The following PLCG2 variants were observed in gnomAD, a reference collection of about 807,000 sequenced individuals.
PLCG2 encodes 1-phosphatidylinositol 4,5-bisphosphate phosphodiesterase gamma-2.
In PLCG2, 69 loss-of-function variants were observed where a neutral mutation model predicts 175.6. The observed-to-expected ratio is 0.39, with a 90% CI of 0.32 to 0.48. The LOEUF is 0.48. Among genes scored for constraint, PLCG2 ranks in the 20% least tolerant of loss-of-function variants. The pLI, the probability that PLCG2 is intolerant of heterozygous loss-of-function variation, is 0.91. For synonymous variants in PLCG2, 827 were observed against 624.0 expected, an observed-to-expected ratio of 1.33 and a Z score of -4.85; for missense variants, 1,798 against 1,650.9, an observed-to-expected ratio of 1.09 and a Z score of -1.54.
At chr16:81,878,436 C>A (rs145869612) in intron 7 of PLCG2, among the ~76,000 whole-genome samples, 83 of 152,254 alleles carry the variant, frequency 5.5e-4, no homozygotes, top group African/African-American at 1.9e-3. Context: ...GACATATATT[C>A]CCGGGGACAC....
intron 2 of PLCG2, among the ~76,000 whole-genome samples, chr16:81,844,581 C>A (rs1306257315): frequency 6.6e-6 from 1 of 152,190 alleles, no homozygotes; most frequent in Non-Finnish European, 1.5e-5. Flanking sequence ...CTAGGCCTCC[C>A]AAATCGCTGG....
At chr16:81,850,487 C>G (rs1906350355) in intron 2 of PLCG2, among the ~76,000 whole-genome samples, 1 of 152,164 alleles carries the variant, frequency 6.6e-6, no homozygotes, top group African/African-American at 2.4e-5. Flanking sequence ...ACATGTCCAT[C>G]TTTTACTGAC....
At chr16:81,820,124 A>AGAACTTTTTAAAAT (rs1388909164) in intron 2 of PLCG2, among the ~76,000 whole-genome samples, 1 of 152,244 alleles carries the variant, frequency 6.6e-6, no homozygotes, top group Non-Finnish European at 1.5e-5. Flanking sequence ...TCATATTTTA[A>AGAACTTTTTAAAAT]GAACTTTTTA....
chr16:81,885,897 A>G (rs1464310287), intron 9 of PLCG2, among the ~76,000 whole-genome samples: 1 of 152,214 alleles, frequency 6.6e-6, no homozygotes, highest in African/African-American at 2.4e-5. Flanking sequence ...AATGATGATG[A>G]TCAAAAGAAG....
chr16:81,805,222 A>G (rs776138941), intron 2 of PLCG2, among the ~76,000 whole-genome samples: 1 of 152,320 alleles, frequency 6.6e-6, no homozygotes, highest in Non-Finnish European at 1.5e-5. Context: ...ATAAAAGGCC[A>G]GGCTCGGTAG....
chr16:81,892,808 C>G (rs1908698291), intron 11 of PLCG2, among the ~76,000 whole-genome samples: 1 of 151,870 alleles, frequency 6.6e-6, no homozygotes, highest in Non-Finnish European at 1.5e-5. Flanking sequence ...CCTGTCCCTC[C>G]TACCACCCTC....
intron 7 of PLCG2, among the ~76,000 whole-genome samples, chr16:81,879,619 A>G (rs796096376): frequency 3.3e-4 from 50 of 152,284 alleles, no homozygotes; most frequent in African/African-American, 1.1e-3. Context: ...CATCTGGGGT[A>G]GGAGATGTTT....
At chr16:81,936,079 A>G (rs1460234441) in intron 26 of PLCG2, 90 bp from the exon 27 acceptor site, 4 of 1,532,596 alleles carry the variant, frequency 2.6e-6, no homozygotes, top group Non-Finnish European at 1.7e-6. Flanking sequence ...GTTTCCTTTT[A>G]TAATCTGAGC....
At chr16:81,752,978 A>T (rs1042962144) in intron 1 of PLCG2, among the ~76,000 whole-genome samples, 1 of 152,110 alleles carries the variant, frequency 6.6e-6, no homozygotes, top group South Asian at 2.1e-4. Context: ...CAACCACGGT[A>T]CTTCGAAGGT....
intron 19 of PLCG2, among the ~76,000 whole-genome samples, chr16:81,918,909 T>TAA (rs1181641516): frequency 0.058 from 8,751 of 150,850 alleles, 270 homozygotes; most frequent in African/African-American, 0.093. Flanking sequence ...TTTTTTTTTT[T>TAA]AAAAAAAGTC....
At chr16:81,876,032 TTTTTTG>T (rs1186536494) in intron 7 of PLCG2, among the ~76,000 whole-genome samples, 8 of 139,988 alleles carry the variant, frequency 5.7e-5, no homozygotes, top group Non-Finnish European at 7.8e-5. Flanking sequence ...TTTTTTTTTT[TTTTTTG>T]TTTTTGAGAC....
chr16:81,891,917 C>G (rs1451570183), intron 11 of PLCG2, among the ~76,000 whole-genome samples: 1 of 152,206 alleles, frequency 6.6e-6, no homozygotes, highest in African/African-American at 2.4e-5. Flanking sequence ...GTAGCCACAG[C>G]AAAGCAATTC....
intron 1 of PLCG2, among the ~76,000 whole-genome samples, chr16:81,743,820 T>G (rs9939256): frequency 0.11 from 17,097 of 152,028 alleles, 1,652 homozygotes; most frequent in African/African-American, 0.26. Context: ...CTGTGGCCCT[T>G]GGTTTTCAGT....
At chr16:81,877,150 T>A (rs940281555) in intron 7 of PLCG2, among the ~76,000 whole-genome samples, 1 of 152,156 alleles carries the variant, frequency 6.6e-6, no homozygotes, top group Non-Finnish European at 1.5e-5. Context: ...GTACTGCAAC[T>A]CGTGGCTTAA....
Position 81,907,616 on chromosome 16 carries a change from G to A in PLCG2, c.1468-69G>A. The A allele has an allele frequency of 3.6e-6, 4 of 1,096,310 alleles. No homozygotes were observed. In the Admixed American group the frequency reaches 5.3e-5, roughly 15 times the overall value. 67.9% of individuals were successfully genotyped at this position (1,096,310 alleles called of 1,614,324 possible). A position where few individuals can be genotyped will look rare whatever the true frequency, so the allele number is the denominator to read the frequency against. On this transcript the variant is annotated intron_variant, in intron 15 of 32. Coordinates refer to ENST00000564138, the MANE Select transcript of PLCG2 (RefSeq NM_002661.5). ...GTAGATGCTGGGGTGACGCCCTGCA[G>A]GGCTCCTGGGCTCCACAGTTGATGA... is the stretch of plus-strand genomic sequence containing the variant.
At chr16:81,800,952 G>A (rs1000572234) in intron 2 of PLCG2, among the ~76,000 whole-genome samples, 1 of 152,126 alleles carries the variant, frequency 6.6e-6, no homozygotes, top group Non-Finnish European at 1.5e-5. Context: ...TGAAGATGGA[G>A]GAAGGGGCCA....
rs753149846 is a variant in PLCG2, at chr16:81,936,422, T to A, written c.3052+44T>A. The A allele has an allele frequency of 2.0e-6, 3 of 1,524,130 alleles. No homozygotes were observed. The Admixed American group carries it at 5.0e-5, about 25-fold the overall frequency. The allele number at this position is 1,524,130 out of a possible 1,614,324, so 94.4% of individuals were successfully genotyped here. ...TAGTCCCGTCCCTGCAAGGTGGCGG[T>A]TGCAGTCACTCCAGGCCGAGTCACC... On this transcript the variant is annotated intron_variant, in intron 27 of 32. Coordinates refer to ENST00000564138, the MANE Select transcript of PLCG2 (RefSeq NM_002661.5).
At chr16:81,844,001 G>T (rs1319932950) in intron 2 of PLCG2, among the ~76,000 whole-genome samples, 1 of 150,162 alleles carries the variant, frequency 6.7e-6, no homozygotes, top group Non-Finnish European at 1.5e-5. Context: ...TTTTGAGAAG[G>T]CGTCTTGCTC....
intron 15 of PLCG2, 93 bp downstream of exon 15, chr16:81,905,600 T>TC: frequency 1.3e-6 from 1 of 745,302 alleles, no homozygotes; most frequent in Non-Finnish European, 2.3e-6. Context: ...TACGCCTGTC[T>TC]TGTTCCCATT....
Sources: allele counts gnomAD v4.1 joint callset (sites outside exome capture counted in the v4.1 genomes callset), GRCh38; gene constraint gnomAD v4.1.1; transcripts MANE v1.5; gene names NCBI Gene and HGNC (gene_info 2026-07-23, HGNC 2026-07-21).